The following PCDHGB5 variants were observed in gnomAD, a reference collection of about 807,000 sequenced individuals.
PCDHGB5 encodes the protein protocadherin gamma-B5.
PCDHGB5 carries 48 observed loss-of-function variants against 62.9 expected under a neutral mutation model. That is an observed-to-expected ratio of 0.76 (90% CI 0.61 to 0.97). The LOEUF is 0.97. PCDHGB5 is among the 50% of genes least tolerant of loss of function. The probability of loss-of-function intolerance (pLI) is 0.00; values close to 1 mark genes in which losing one functional copy is unlikely to be tolerated. For synonymous variants in PCDHGB5, 474 were observed against 511.2 expected (o/e 0.93, Z 0.98); for missense variants, 1,118 against 1,198.6 (o/e 0.93, Z 0.99).
chr5:141,418,477 C>G (rs2154547707), intron 1 of PCDHGB5: 1 of 1,614,016 alleles, frequency 6.2e-7, no homozygotes, highest in Non-Finnish European at 8.5e-7. Context: ...AAACGCAGAG[C>G]GCTCACCACT....
At chr5:141,418,463 C>G in intron 1 of PCDHGB5, 1 of 1,613,944 alleles carries the variant, frequency 6.2e-7, no homozygotes, top group South Asian at 1.1e-5. Context: ...GACTCTGGAC[C>G]GAGAAACGCA....
In PCDHGB5 at chr5:141,430,937, G is replaced by C. The variant is rs888990395; in HGVS notation, c.2397+30413G>C. ...CCTGGGGCTGGAGCCCCGGGAGCTC[G>C]CGGAGCGCGGAGTCCGCATCATCCC... On this transcript the variant is annotated intron_variant, in intron 1 of 3. Coordinates refer to ENST00000617380, the MANE Select transcript of PCDHGB5 (RefSeq NM_018925.3). The C allele has an allele frequency of 8.7e-6, 14 of 1,607,498 alleles. No individual in the cohort carries two copies. The highest frequency in any genetic ancestry group is 1.7e-5 in the Admixed American group (1 of 58,732).
rs2154581798 is a variant in PCDHGB5, at chr5:141,489,799, G to T, written c.2398-5008G>T. 1 of 1,614,192 alleles carries T rather than the reference G, an allele frequency of 6.2e-7. No homozygotes were observed. The highest frequency in any genetic ancestry group is 2.2e-5 in the East Asian group (1 of 44,884). On this transcript the variant is annotated intron_variant, in intron 1 of 3. Coordinates refer to ENST00000617380, the MANE Select transcript of PCDHGB5 (RefSeq NM_018925.3). The surrounding 1 kb of genome is among the most constrained non-coding windows in gnomAD (Gnocchi z 4.5). Reference sequence around the variant, plus strand: ...CTCTCTGAATGTGAAGACCCTAAAAGATGGGAAGCCATTCCCAGAGCTGGT... The same window carrying T: ...CTCTCTGAATGTGAAGACCCTAAAATATGGGAAGCCATTCCCAGAGCTGGT...
rs1036281905 is a variant in PCDHGB5 at position 141,493,555 on chromosome 5, T to C, written c.2398-1252T>C. ...GCCAGTTATCCTTTTGGAGATTGAG[T>C]TCCCCCAGCTCCGTTTCCTCCTATC... On this transcript the variant is annotated intron_variant, in intron 1 of 3. Transcript: ENST00000617380. This position sits in a 1 kb window ranked among gnomAD's most constrained non-coding sequence, Gnocchi z 4.3. Among the ~76,000 whole-genome samples, 3 of 152,012 alleles carry C rather than the reference T, an allele frequency of 2.0e-5. No individual in the cohort carries two copies. Among genetic ancestry groups the C allele is most frequent in the African/African-American group, 7.3e-5 (3 of 41,362 alleles).
chr5:141,459,574 T>G (rs1163443021), intron 1 of PCDHGB5, among the ~76,000 whole-genome samples: 6 of 152,226 alleles, frequency 3.9e-5, no homozygotes, highest in African/African-American at 1.4e-4. Flanking sequence ...AAAACAGAAT[T>G]GTTTTGGGGG....
chr5:141,458,171 A>G (rs548935841), intron 1 of PCDHGB5, among the ~76,000 whole-genome samples: 74 of 152,336 alleles, frequency 4.9e-4, no homozygotes, highest in African/African-American at 1.6e-3. Flanking sequence ...TCACAGTAGT[A>G]TACCTTACTT....
At chr5:141,415,024 G>T in intron 1 of PCDHGB5, 1 of 1,613,568 alleles carries the variant, frequency 6.2e-7, no homozygotes, top group Non-Finnish European at 8.5e-7. Flanking sequence ...CAAGGCCAGC[G>T]AGCCGGGACT....
At chr5:141,442,053 G>A (rs888378256) in intron 1 of PCDHGB5, 3 of 197,472 alleles carry the variant, frequency 1.5e-5, no homozygotes, top group Non-Finnish European at 3.2e-5. Flanking sequence ...ACTGGTCGCG[G>A]TGCACTGCGG....
chr5:141,476,699 G>C lies in PCDHGB5; in HGVS notation c.2398-18108G>C. 1 of 1,614,222 alleles carries C rather than the reference G, an allele frequency of 6.2e-7. No individual in the cohort carries two copies. The highest frequency in any genetic ancestry group is 8.5e-7 in the Non-Finnish European group (1 of 1,180,042). ...GCGGGAGGACAGCACCAAGTACGCG[G>C]AGCTGGTGTTGGAGCGCGCCCTGGA... is the stretch of plus-strand genomic sequence containing the variant. On this transcript the variant is annotated intron_variant, in intron 1 of 3. Transcript: ENST00000617380. The surrounding 1 kb of genome is among the most constrained non-coding windows in gnomAD (Gnocchi z 7.6).
intron 1 of PCDHGB5, chr5:141,410,390 G>A: frequency 6.2e-7 from 1 of 1,614,012 alleles, no homozygotes; most frequent in South Asian, 1.1e-5. Flanking sequence ...CTTCCATCCT[G>A]GTCTCTGTGT....
intron 1 of PCDHGB5, among the ~76,000 whole-genome samples, chr5:141,465,279 C>T (rs975247599): frequency 3.3e-5 from 5 of 152,028 alleles, no homozygotes; most frequent in South Asian, 2.1e-4. Flanking sequence ...TTTAGTTCAC[C>T]CCTAAAGAAC....
Position 141,489,606 on chromosome 5 carries a change from G to A in PCDHGB5, c.2398-5201G>A. The stretch of plus-strand genomic sequence containing the variant: ...TGGAGCTAATCCGTGTAGAGGTAGA[G>A]ATCCTGGATCTCAATGACAACTCTC... On this transcript the variant is annotated intron_variant, in intron 1 of 3. Coordinates refer to ENST00000617380, the MANE Select transcript of PCDHGB5 (RefSeq NM_018925.3). This position sits in a 1 kb window ranked among gnomAD's most constrained non-coding sequence, Gnocchi z 4.5. The A allele has an allele frequency of 6.2e-7, 1 of 1,614,110 alleles. No homozygotes were observed.
At chr5:141,421,474 G>A (rs1320526226) in intron 1 of PCDHGB5, 2 of 1,614,014 alleles carry the variant, frequency 1.2e-6, no homozygotes, top group Non-Finnish European at 1.7e-6. Flanking sequence ...TCCGCGAAGC[G>A]GCAGCTTGAT....
In PCDHGB5 at chr5:141,398,901, C is replaced by CACCA. The variant is rs763382637; in HGVS notation, c.775_778dup (p.Thr260AsnfsTer10). ...GCCTTCGGGAAAACGTGCCACCAGG[C>CACCA]ACCACTGTGTTGCAAGTGTCAGCCA... On this transcript the variant is annotated frameshift_variant, in exon 1 of 4. Coordinates refer to ENST00000617380, the MANE Select transcript of PCDHGB5 (RefSeq NM_018925.3). LOFTEE classifies it high-confidence loss of function. 3.7e-6 allele frequency: 6 copies of CACCA among 1,613,954 alleles called. No homozygotes were observed. The South Asian group carries it at 6.6e-5, about 18-fold the overall frequency.
chr5:141,399,491 T>A lies in PCDHGB5; in HGVS notation c.1364T>A (p.Val455Asp). Residue 455 changes from valine (V) to aspartate (D), a missense_variant, in exon 1 of 4, where the codon GTC (valine) becomes GAC (aspartate). By Grantham distance (152) the Val-to-Asp change is radical. Transcript: ENST00000617380. ...GTTTTCCACCAGGCGTCCTACTTAG[T>A]CAGTGTACCCGAAAACAACCCTCCT... Reference protein sequence around the residue: ...APVFHQASYLVSVPENNPPGA... With the variant: ...APVFHQASYLDSVPENNPPGA... The A allele has an allele frequency of 6.2e-7, 1 of 1,614,022 alleles. No individual in the cohort carries two copies. The highest frequency in any genetic ancestry group is 1.3e-5 in the African/African-American group (1 of 75,076).
chr5:141,477,571 C>T lies in PCDHGB5; in HGVS notation c.2398-17236C>T, dbSNP rs1470454976. The T allele has an allele frequency of 8.1e-6, 13 of 1,614,160 alleles. No individual in the cohort carries two copies. Among genetic ancestry groups the T allele is most frequent in the Middle Eastern group, 1.7e-4 (1 of 6,060 alleles). ...TAAACCTAAGTGTCTGGGACCCCGACGCCCCGCAGAATGCTCGGCTTTCTT... is the reference window on the plus strand; with the variant it reads ...TAAACCTAAGTGTCTGGGACCCCGATGCCCCGCAGAATGCTCGGCTTTCTT... On this transcript the variant is annotated intron_variant, in intron 1 of 3. Transcript: ENST00000617380. This position sits in a 1 kb window ranked among gnomAD's most constrained non-coding sequence, Gnocchi z 4.9.
chr5:141,487,006 G>A lies in PCDHGB5; in HGVS notation c.2398-7801G>A. ...ATGCTTGGGTTTCCTATCAGCTCCT[G>A]GAGGCCCCAGATCCCAGCCTGTTTG... On this transcript the variant is annotated intron_variant, in intron 1 of 3. Transcript: ENST00000617380. This position sits in a 1 kb window ranked among gnomAD's most constrained non-coding sequence, Gnocchi z 5.0. 1 of 1,614,206 alleles carries A rather than the reference G, an allele frequency of 6.2e-7. No homozygotes were observed. The highest frequency in any genetic ancestry group is 8.5e-7 in the Non-Finnish European group (1 of 1,180,042).
At position 141,432,851 on chromosome 5, in the gene PCDHGB5, G is replaced by T. The variant is rs561153330; in HGVS notation, c.2397+32327G>T. 8 of 1,614,198 alleles carry T rather than the reference G, an allele frequency of 5.0e-6. No homozygotes were observed. In the African/African-American group the frequency reaches 9.3e-5, roughly 19 times the overall value. ...CACTCTGTACCTGGTGGTAGCGGTG[G>T]CCGCGGTCTCCTGCGTCTTCCTGGC... On this transcript the variant is annotated intron_variant, in intron 1 of 3. Transcript: ENST00000617380. This position sits in a 1 kb window ranked among gnomAD's most constrained non-coding sequence, Gnocchi z 6.0.
chr5:141,415,740 GTTTTTTTTTTTT>G lies in PCDHGB5; in HGVS notation c.2397+15237_2397+15248del, dbSNP rs57426385. ...TGAGTAGAATTTGATGTTTATTAAGGTTTTTTTTTTTTTTTTTTTTTTTTTTTTTTTTACTTT... is the reference window on the plus strand; with the variant it reads ...TGAGTAGAATTTGATGTTTATTAAGGTTTTTTTTTTTTTTTTTTTTACTTT... On this transcript the variant is annotated intron_variant, in intron 1 of 3. Transcript: ENST00000617380. The G allele has an allele frequency of 5.3e-4, 329 of 624,896 alleles. 2 individuals are homozygous for G. Among genetic ancestry groups the G allele is most frequent in the African/African-American group, 1.2e-3 (49 of 39,888 alleles). The allele number at this position is 624,896 out of a possible 1,614,324, so 38.7% of individuals were successfully genotyped here.
Sources: allele counts gnomAD v4.1 joint callset (sites outside exome capture counted in the v4.1 genomes callset), GRCh38; gene constraint gnomAD v4.1.1; non-coding constraint Gnocchi (gnomAD v3.1); transcripts MANE v1.5; gene names NCBI Gene and HGNC (gene_info 2026-07-23, HGNC 2026-07-21).